Variants in AKR1C8 observed in about 807,000 individuals in gnomAD.
The protein encoded by AKR1C8 is aldo-keto reductase family 1 member C8, also known as aldo-keto reductase family 1 member C-like protein 1.
the AKR1C8 span, among the ~76,000 whole-genome samples, chr10:5,116,980 T>C: frequency 6.6e-6 from 1 of 152,198 alleles, no homozygotes; most frequent in South Asian, 2.1e-4. Flanking sequence ...CCAAAATAGA[T>C]GATTGTGATG....
chr10:5,150,105 A>T, the AKR1C8 span, among the ~76,000 whole-genome samples: 2 of 152,010 alleles, frequency 1.3e-5, no homozygotes, highest in African/African-American at 4.8e-5. Flanking sequence ...TTTTATGAAC[A>T]TATTAGCTCT....
the AKR1C8 span, among the ~76,000 whole-genome samples, chr10:5,164,972 G>A: frequency 6.6e-6 from 1 of 152,044 alleles, no homozygotes; most frequent in Non-Finnish European, 1.5e-5. Context: ...ACAAGTTGTG[G>A]ATATATTCTT....
the AKR1C8 span, among the ~76,000 whole-genome samples, chr10:5,158,354 G>A: frequency 2.6e-5 from 4 of 152,162 alleles, no homozygotes; most frequent in Non-Finnish European, 4.4e-5. Context: ...CTTACCTAAA[G>A]ACCACTTTAA....
At chr10:5,133,157 A>G in the AKR1C8 span, among the ~76,000 whole-genome samples, 1 of 152,122 alleles carries the variant, frequency 6.6e-6, no homozygotes, top group East Asian at 1.9e-4. Flanking sequence ...ATCTCAGCTC[A>G]CTGAAAACTC....
At chr10:5,117,726 G>C in the AKR1C8 span, among the ~76,000 whole-genome samples, 3 of 152,094 alleles carry the variant, frequency 2.0e-5, no homozygotes, top group Admixed American at 6.6e-5. Context: ...GAAAGGAAAG[G>C]AGAACCAGCA....
chr10:5,179,350 C>CT, the AKR1C8 span, among the ~76,000 whole-genome samples: 73 of 152,318 alleles, frequency 4.8e-4, no homozygotes, highest in Admixed American at 1.2e-3. Flanking sequence ...GAGAGATCTG[C>CT]GTTAGTCTGA....
At chr10:5,160,410 G>A in the AKR1C8 span, among the ~76,000 whole-genome samples, 1 of 152,020 alleles carries the variant, frequency 6.6e-6, no homozygotes, top group Non-Finnish European at 1.5e-5. Flanking sequence ...TCAATCAAAT[G>A]GGTTTTTCAA....
chr10:5,151,004 G>C, the AKR1C8 span, among the ~76,000 whole-genome samples: 1 of 152,134 alleles, frequency 6.6e-6, no homozygotes, highest in Non-Finnish European at 1.5e-5. Flanking sequence ...AGAATAACTT[G>C]GTGGGTAGGG....
the AKR1C8 span, among the ~76,000 whole-genome samples, chr10:5,170,557 C>A: frequency 6.6e-6 from 1 of 152,020 alleles, no homozygotes; most frequent in Non-Finnish European, 1.5e-5. Flanking sequence ...CATTAAATAC[C>A]TATGAGTTGG....
chr10:5,123,279 T>C, the AKR1C8 span: 3 of 229,524 alleles, frequency 1.3e-5, no homozygotes, highest in South Asian at 9.4e-5. Context: ...CTCACCTGCA[T>C]GTTCTCTCTG....
At chr10:5,127,686 C>T in the AKR1C8 span, among the ~76,000 whole-genome samples, 1 of 139,704 alleles carries the variant, frequency 7.2e-6, no homozygotes, top group African/African-American at 2.7e-5. Flanking sequence ...CATGCACCTG[C>T]ACTCCAGCAG....
chr10:5,160,747 G>A, the AKR1C8 span: 1 of 457,624 alleles, frequency 2.2e-6, no homozygotes, highest in Non-Finnish European at 4.5e-6. Context: ...CATCTCTTCT[G>A]ACCCCTCCTC....
chr10:5,133,705 A>G, the AKR1C8 span, among the ~76,000 whole-genome samples: 1 of 152,166 alleles, frequency 6.6e-6, no homozygotes, highest in Non-Finnish European at 1.5e-5. Flanking sequence ...ACAAGCAGTT[A>G]ATTATAGACA....
At chr10:5,151,842 C>A in the AKR1C8 span, among the ~76,000 whole-genome samples, 1 of 152,148 alleles carries the variant, frequency 6.6e-6, no homozygotes, top group Admixed American at 6.5e-5. Flanking sequence ...AAGGCATGAG[C>A]CACTGCACCC....
chr10:5,148,961 T>A, the AKR1C8 span, among the ~76,000 whole-genome samples: 1 of 151,960 alleles, frequency 6.6e-6, no homozygotes, highest in African/African-American at 2.4e-5. Context: ...GAAAAAAAGA[T>A]GCCAAGGTCA....
At chr10:5,147,820 T>C in the AKR1C8 span, among the ~76,000 whole-genome samples, 1 of 152,196 alleles carries the variant, frequency 6.6e-6, no homozygotes, top group Non-Finnish European at 1.5e-5. Flanking sequence ...GGGTCTGTGA[T>C]TCTGGGATCT....
At chr10:5,143,617 C>T in the AKR1C8 span, among the ~76,000 whole-genome samples, 2 of 151,222 alleles carry the variant, frequency 1.3e-5, no homozygotes, top group South Asian at 2.1e-4. Flanking sequence ...TGATTTTATA[C>T]ATTTATATAT....
chr10:5,180,051 T>C, the AKR1C8 span, among the ~76,000 whole-genome samples: 4 of 152,238 alleles, frequency 2.6e-5, no homozygotes, highest in South Asian at 8.3e-4. Flanking sequence ...AGAGGCACTC[T>C]GCTTTTTAGA....
the AKR1C8 span, among the ~76,000 whole-genome samples, chr10:5,132,183 G>GA: frequency 2.6e-5 from 4 of 152,050 alleles, no homozygotes; most frequent in Admixed American, 6.6e-5. Flanking sequence ...AGTGTTGGGG[G>GA]AGGTTGGGAG....
Sources: allele counts gnomAD v4.1 joint callset (sites outside exome capture counted in the v4.1 genomes callset), GRCh38; gene constraint gnomAD v4.1.1; transcripts MANE v1.5; gene names NCBI Gene and HGNC (gene_info 2026-07-23, HGNC 2026-07-21).